The following PCNX1 variants were observed in gnomAD, a reference collection of about 807,000 sequenced individuals.
PCNX1 encodes the protein pecanex-like protein 1.
Under a neutral mutation model 242.2 loss-of-function variants are expected in PCNX1, and 78 were observed. The ratio of observed to expected loss-of-function variants is 0.32; its 90% CI spans 0.27 to 0.39. The LOEUF (loss-of-function observed/expected upper bound fraction) is 0.39. PCNX1 is among the 10% of genes least tolerant of loss of function. The pLI, the probability that PCNX1 is intolerant of heterozygous loss-of-function variation, is 1.00. For synonymous variants in PCNX1, 1,024 were observed against 1,032.9 expected (o/e 0.99, Z 0.17); for missense variants, 2,581 against 2,856.5 (o/e 0.90, Z 2.20).
intron 28 of PCNX1, chr14:71,085,775 C>T (rs913402347): frequency 5.6e-6 from 2 of 356,958 alleles, no homozygotes; most frequent in South Asian, 2.8e-5. Context: ...GTCATAAGGC[C>T]CAGACCCCAG....
chr14:71,080,918 G>A (rs566673231), intron 28 of PCNX1, among the ~76,000 whole-genome samples: 1 of 152,294 alleles, frequency 6.6e-6, no homozygotes, highest in African/African-American at 2.4e-5. Flanking sequence ...GAGTAGGAGT[G>A]GTGAGAGAGG....
intron 1 of PCNX1, among the ~76,000 whole-genome samples, chr14:70,937,153 C>G (rs1028584020): frequency 2.0e-5 from 3 of 152,156 alleles, no homozygotes; most frequent in African/African-American, 7.2e-5. Flanking sequence ...TCCCATTTGT[C>G]AATTTTGGCT....
intron 28 of PCNX1, chr14:71,078,873 T>TG (rs1447748688): frequency 6.6e-6 from 1 of 152,266 alleles, no homozygotes; most frequent in Non-Finnish European, 1.5e-5. Context: ...TATTATACTT[T>TG]AAGTTCTGGG....
intron 26 of PCNX1, among the ~76,000 whole-genome samples, chr14:71,063,690 C>A (rs906695944): frequency 1.3e-5 from 2 of 152,146 alleles, no homozygotes; most frequent in Non-Finnish European, 2.9e-5. Flanking sequence ...AGCATTTTAT[C>A]TACTTTCCAA....
intron 1 of PCNX1, among the ~76,000 whole-genome samples, chr14:70,929,051 T>C (rs1254675938): frequency 6.6e-6 from 1 of 152,170 alleles, no homozygotes; most frequent in African/African-American, 2.4e-5. Context: ...TATGTTCTAT[T>C]CCGGGGCCTC....
At chr14:70,929,463 T>G (rs549794762) in intron 1 of PCNX1, among the ~76,000 whole-genome samples, 16 of 152,320 alleles carry the variant, frequency 1.1e-4, no homozygotes, top group Admixed American at 5.9e-4. Flanking sequence ...TTGTGTGTGT[T>G]TGTAGCAACA....
intron 2 of PCNX1, among the ~76,000 whole-genome samples, chr14:70,948,791 T>TA (rs2057583216): frequency 6.7e-6 from 1 of 148,646 alleles, no homozygotes; most frequent in Admixed American, 6.7e-5. Flanking sequence ...TATATATACT[T>TA]ATAAATGCTT....
chr14:71,052,667 T>C (rs1186286223), intron 24 of PCNX1, among the ~76,000 whole-genome samples: 1 of 152,236 alleles, frequency 6.6e-6, no homozygotes, highest in Non-Finnish European at 1.5e-5. Flanking sequence ...TAATGAGTTA[T>C]AGTTTTCTTA....
At chr14:71,018,782 A>G (rs1209917764) in intron 11 of PCNX1, among the ~76,000 whole-genome samples, 1 of 152,092 alleles carries the variant, frequency 6.6e-6, no homozygotes, top group African/African-American at 2.4e-5. Flanking sequence ...TGTAATTGAA[A>G]CTCCACAATT....
At chr14:70,932,142 AAAG>A (rs1404986189) in intron 1 of PCNX1, among the ~76,000 whole-genome samples, 2 of 152,238 alleles carry the variant, frequency 1.3e-5, no homozygotes, top group Non-Finnish European at 2.9e-5. Context: ...ACAAAAACAA[AAAG>A]AATAATCGAA....
rs777494885 is a variant in PCNX1 at position 71,008,655 on chromosome 14, C to CAAAA, written c.2630-955_2630-952dup. Among the ~76,000 whole-genome samples the CAAAA allele has an allele frequency of 1.5e-4, 5 of 32,730 alleles. 1 individual carries two copies. The highest frequency in any genetic ancestry group is 3.2e-4 in the African/African-American group (4 of 12,692). The allele number at this position is 32,730 out of a possible 152,430, so 21.5% of individuals were successfully genotyped here. A position where few individuals can be genotyped will look rare whatever the true frequency, so the allele number is the denominator to read the frequency against. Reference sequence around the variant, plus strand: ...TGGGTGACAGAGCGAGACTCTGTCTCAAAAAAAAAAAAAAAAAAAAAAAAA... The same window carrying CAAAA: ...TGGGTGACAGAGCGAGACTCTGTCTCAAAAAAAAAAAAAAAAAAAAAAAAAAAAA... On this transcript the variant is annotated intron_variant, in intron 8 of 35. Transcript: ENST00000304743.
chr14:71,004,047 C>T (rs867736742), intron 8 of PCNX1, among the ~76,000 whole-genome samples: 19 of 152,212 alleles, frequency 1.2e-4, no homozygotes, highest in Admixed American at 1.2e-3. Context: ...TGTTAGTAAA[C>T]CACCGCCTGT....
chr14:71,092,034 A>G (rs547687517), intron 30 of PCNX1, among the ~76,000 whole-genome samples: 3 of 152,338 alleles, frequency 2.0e-5, no homozygotes, highest in South Asian at 2.1e-4. Context: ...GACCCATACA[A>G]AGTGCCACTA....
At chr14:70,909,684 G>T (rs1442712270) in intron 1 of PCNX1, among the ~76,000 whole-genome samples, 2 of 152,280 alleles carry the variant, frequency 1.3e-5, no homozygotes, top group East Asian at 3.9e-4. Flanking sequence ...AGAGCAAATG[G>T]AAACCAGGAC....
In PCNX1 at chr14:71,013,070, A is replaced by C; in HGVS notation, c.2864A>C (p.Asp955Ala). Residue 955 changes from aspartate (D) to alanine (A), a missense_variant, in exon 11 of 36, where the codon GAC becomes GCC. Physicochemically the swap from Asp to Ala is moderately radical, Grantham distance 126 (BLOSUM62 -2). This residue lies in a region of PCNX1 where 1,204 missense variants were observed against 1,216.7 expected (regional missense o/e 0.99). Transcript: ENST00000304743. ...CAACAGGACATTGATCTAAGCCCTG[A>C]CTTGGCAGCTACTTACGGCCCAACA... Reference protein sequence around the residue: ...LEQQDIDLSPDLAATYGPTEE... With the variant: ...LEQQDIDLSPALAATYGPTEE... 6.2e-7 allele frequency: 1 copy of C among 1,614,108 alleles called. No homozygotes were observed. Among genetic ancestry groups the C allele is most frequent in the Non-Finnish European group, 8.5e-7 (1 of 1,179,976 alleles).
chr14:70,977,863 A>G lies in PCNX1; in HGVS notation c.1526A>G (p.Asn509Ser). 6.2e-7 allele frequency: 1 copy of G among 1,614,146 alleles called. No homozygotes were observed. Among genetic ancestry groups the G allele is most frequent in the Non-Finnish European group, 8.5e-7 (1 of 1,180,014 alleles). The change falls in exon 6 of 36, where the codon AAC becomes AGC. Residue 509 changes from asparagine (N) to serine (S), a missense_variant. Physicochemically the swap from Asn to Ser is conservative, Grantham distance 46. This residue lies in a region of PCNX1 where 1,204 missense variants were observed against 1,216.7 expected (regional missense o/e 0.99). Coordinates refer to ENST00000304743, the MANE Select transcript of PCNX1 (RefSeq NM_014982.3). ...FTSQGDRPPG[N>S]TAENKEEKSD... ...TCCCAAGGGGACAGACCACCTGGGA[A>G]CACTGCAGAAAACAAAGAAGAGAAG...
At chr14:71,018,882 A>G in intron 11 of PCNX1, 127 bp from the exon 12 acceptor site, 2 of 719,792 alleles carry the variant, frequency 2.8e-6, no homozygotes, top group Non-Finnish European at 4.5e-6. Flanking sequence ...ACCTTGTTCA[A>G]ACTCAGTACC....
intron 1 of PCNX1, among the ~76,000 whole-genome samples, chr14:70,924,276 A>G (rs905058770): frequency 6.6e-6 from 1 of 151,568 alleles, no homozygotes; most frequent in Non-Finnish European, 1.5e-5. Context: ...AAAAAAACCT[A>G]CCAAATTGCC....
intron 17 of PCNX1, 21 bp from the exon 18 acceptor site, chr14:71,033,910 T>G (rs776334167): frequency 1.2e-5 from 15 of 1,225,964 alleles, no homozygotes; most frequent in South Asian, 4.0e-5. Context: ...GTATTTTCTG[T>G]TTTTTTTTCT....
Sources: allele counts gnomAD v4.1 joint callset (sites outside exome capture counted in the v4.1 genomes callset), GRCh38; gene constraint gnomAD v4.1.1; regional missense constraint gnomAD v4.1.1; transcripts MANE v1.5; gene names NCBI Gene and HGNC (gene_info 2026-07-23, HGNC 2026-07-21).